BMPR1B: variants seen among roughly 807,000 people sequenced by gnomAD.
BMPR1B encodes bone morphogenetic protein receptor type-1B.
A neutral mutation model predicts 59.1 loss-of-function variants in BMPR1B; 12 were observed. The ratio of observed to expected loss-of-function variants is 0.20; its 90% CI spans 0.13 to 0.33. The LOEUF is 0.33. Ranked by LOEUF, BMPR1B falls within the 10% of genes least tolerant of loss-of-function variation. BMPR1B has a pLI of 1.00. For missense variants in BMPR1B, 550 were observed against 610.9 expected (o/e 0.90, Z 1.05); for synonymous variants, 237 against 207.3 (o/e 1.14, Z -1.23).
rs566703120 is a variant in BMPR1B at position 94,917,248 on chromosome 4, G to C, written c.-113+41348G>C. Among the ~76,000 whole-genome samples the C allele has an allele frequency of 7.2e-5, 11 of 152,344 alleles. No individual in the cohort carries two copies. In the South Asian group the frequency reaches 2.3e-3, roughly 32 times the overall value. The stretch of plus-strand genomic sequence containing the variant: ...GCCCCCACACAGCATTCCCAGTGGG[G>C]CACTGTCTAGTGAGACTGTAAGAAG... On this transcript the variant is annotated intron_variant, in intron 2 of 12. Transcript: ENST00000515059.
chr4:94,980,855 C>T (rs928772259), intron 2 of BMPR1B, among the ~76,000 whole-genome samples: 33 of 152,192 alleles, frequency 2.2e-4, no homozygotes, highest in African/African-American at 7.2e-4. Context: ...ATTAGCCGGG[C>T]GTGGTGGTGC....
intron 3 of BMPR1B, among the ~76,000 whole-genome samples, chr4:95,015,525 A>T (rs1201396297): frequency 2.0e-5 from 3 of 152,104 alleles, no homozygotes; most frequent in Non-Finnish European, 4.4e-5. Context: ...AGCTGTGACT[A>T]CAGGTGCACA....
Position 95,130,026 on chromosome 4 carries a change from A to G in BMPR1B, c.750A>G (p.Thr250=), listed in dbSNP as rs1449600649. ...TCAGAGAGACAGAAATATATCAGACAGTGTTGATGAGGCATGAAAACATTT... is the reference window on the plus strand; with the variant it reads ...TCAGAGAGACAGAAATATATCAGACGGTGTTGATGAGGCATGAAAACATTT... ...SWFRETEIYQ[T]VLMRHENILG... Residue 250 remains threonine, a synonymous_variant, in exon 9 of 13, where the codon ACA becomes ACG. Transcript: ENST00000515059. The G allele has an allele frequency of 1.9e-6, 3 of 1,613,838 alleles. No individual in the cohort carries two copies. Among genetic ancestry groups the G allele is most frequent in the African/African-American group, 2.7e-5 (2 of 74,922 alleles).
intron 10 of BMPR1B, among the ~76,000 whole-genome samples, chr4:95,136,777 G>A (rs953703699): frequency 1.3e-5 from 2 of 151,726 alleles, no homozygotes; most frequent in African/African-American, 4.8e-5. Context: ...TTTTTTTATT[G>A]CATCTATTTG....
intron 8 of BMPR1B, 123 bp from the exon 9 acceptor site, chr4:95,129,739 A>G (rs1247222690): frequency 4.5e-6 from 4 of 891,848 alleles, no homozygotes; most frequent in Non-Finnish European, 7.0e-6. Context: ...AGTTGTCTAT[A>G]TAGAGAAAAA....
intron 1 of BMPR1B, among the ~76,000 whole-genome samples, chr4:94,788,374 C>T (rs1722838628): frequency 6.6e-6 from 1 of 152,090 alleles, no homozygotes; most frequent in African/African-American, 2.4e-5. Context: ...CCAGGGGATT[C>T]CCTGGGCTGT....
chr4:95,075,959 A>G (rs1247300199), intron 3 of BMPR1B, among the ~76,000 whole-genome samples: 3 of 152,184 alleles, frequency 2.0e-5, no homozygotes, highest in Non-Finnish European at 4.4e-5. Flanking sequence ...CAAAGAGAGA[A>G]AGAAGAGAAG....
chr4:95,126,988 A>G (rs1732950038), intron 8 of BMPR1B, among the ~76,000 whole-genome samples: 1 of 151,386 alleles, frequency 6.6e-6, no homozygotes, highest in South Asian at 2.1e-4. Context: ...ATAAAATGTC[A>G]ATTTTTTCCT....
At chr4:94,760,262 C>G (rs1721708059) in intron 1 of BMPR1B, among the ~76,000 whole-genome samples, 1 of 152,120 alleles carries the variant, frequency 6.6e-6, no homozygotes, top group Non-Finnish European at 1.5e-5. Context: ...CTGAAATTCC[C>G]TGTTAGATTA....
chr4:94,899,560 A>G (rs1337095920), intron 2 of BMPR1B, among the ~76,000 whole-genome samples: 3 of 151,336 alleles, frequency 2.0e-5, no homozygotes, highest in African/African-American at 7.3e-5. Flanking sequence ...TATGAATATA[A>G]AGATGTGAAG....
chr4:94,823,756 T>G (rs1724288518), intron 1 of BMPR1B, among the ~76,000 whole-genome samples: 1 of 152,048 alleles, frequency 6.6e-6, no homozygotes, highest in Non-Finnish European at 1.5e-5. Flanking sequence ...TGGTTTTTTT[T>G]TTTTTATTTG....
chr4:95,118,984 A>ATT (rs1474884883), intron 6 of BMPR1B, among the ~76,000 whole-genome samples: 4 of 152,200 alleles, frequency 2.6e-5, no homozygotes, highest in Non-Finnish European at 5.9e-5. Flanking sequence ...AATCAGAAAT[A>ATT]TAATAAGATA....
At chr4:95,011,770 G>C (rs1723242972) in intron 3 of BMPR1B, among the ~76,000 whole-genome samples, 1 of 152,146 alleles carries the variant, frequency 6.6e-6, no homozygotes, top group African/African-American at 2.4e-5. Flanking sequence ...TGTAATCCCA[G>C]TACTTTGAGA....
Position 94,805,741 on chromosome 4 carries a change from A to C in BMPR1B, c.-183+47673A>C, listed in dbSNP as rs17022266. ...GGGAAAGCAGTGTGAATGTAGATGG[A>C]GATTCTGGCAAAATCCTGGCTTTTA... On this transcript the variant is annotated intron_variant, in intron 1 of 12. Transcript: ENST00000515059. 4.1e-3 allele frequency among the ~76,000 whole-genome samples: 621 copies of C among 152,286 alleles called. 3 individuals carry two copies. The highest frequency in any genetic ancestry group is 0.014 in the African/African-American group (591 of 41,582).
chr4:95,156,058 T>A lies in BMPR1B; in HGVS notation c.*1385T>A, dbSNP rs899754612. ...AGTGATGCTCAATTCACTATTTAATTTATTATATTTTCTCTTCTGTGGCAC... is the reference window on the plus strand; with the variant it reads ...AGTGATGCTCAATTCACTATTTAATATATTATATTTTCTCTTCTGTGGCAC... On this transcript the variant is annotated 3_prime_UTR_variant, in exon 13 of 13. Coordinates refer to ENST00000515059, the MANE Select transcript of BMPR1B (RefSeq NM_001203.3). 6.6e-6 allele frequency: 1 copy of A among 152,166 alleles called. No individual in the cohort carries two copies. Among genetic ancestry groups the A allele is most frequent in the Non-Finnish European group, 1.5e-5 (1 of 68,022 alleles). 9.4% of individuals were successfully genotyped at this position (152,166 alleles called of 1,614,324 possible).
chr4:94,925,931 G>A (rs988623604), intron 2 of BMPR1B, among the ~76,000 whole-genome samples: 1 of 151,944 alleles, frequency 6.6e-6, no homozygotes, highest in African/African-American at 2.4e-5. Context: ...ACGCAGCAAA[G>A]ATTACCTGCA....
chr4:94,817,458 T>C (rs1457492437), intron 1 of BMPR1B, among the ~76,000 whole-genome samples: 1 of 152,206 alleles, frequency 6.6e-6, no homozygotes, highest in Non-Finnish European at 1.5e-5. Context: ...TGAGTTCAGA[T>C]TCTGGCTCTG....
chr4:94,923,490 A>G, intron 2 of BMPR1B, among the ~76,000 whole-genome samples: 1 of 152,146 alleles, frequency 6.6e-6, no homozygotes, highest in East Asian at 1.9e-4. Context: ...CAAGGTAATG[A>G]CTAGCAGTAG....
chr4:95,063,498 T>G (rs556337185), intron 3 of BMPR1B, among the ~76,000 whole-genome samples: 2 of 152,276 alleles, frequency 1.3e-5, no homozygotes, highest in South Asian at 4.1e-4. Context: ...ATAAATAACT[T>G]GCTCGAGGTC....
Sources: allele counts gnomAD v4.1 joint callset (sites outside exome capture counted in the v4.1 genomes callset), GRCh38; gene constraint gnomAD v4.1.1; transcripts MANE v1.5; gene names NCBI Gene and HGNC (gene_info 2026-07-23, HGNC 2026-07-21).